TMEM233: variants seen among roughly 807,000 people sequenced by gnomAD.
The protein encoded by TMEM233 is transmembrane protein 233.
In TMEM233, 6 loss-of-function variants were observed where a neutral mutation model predicts 11.2. The ratio of observed to expected loss-of-function variants is 0.54; its 90% CI spans 0.29 to 1.06. The LOEUF (loss-of-function observed/expected upper bound fraction) is 1.06. Among genes scored for constraint, TMEM233 ranks in the 50% least tolerant of loss-of-function variants. The pLI is 0.08. For synonymous variants in TMEM233, 59 were observed against 55.8 expected (o/e 1.06, Z -0.26); for missense variants, 127 against 144.7 (o/e 0.88, Z 0.63).
chr12:119,639,474 T>C (rs970722189), intron 2 of TMEM233, among the ~76,000 whole-genome samples: 1 of 150,360 alleles, frequency 6.7e-6, no homozygotes, highest in Non-Finnish European at 1.5e-5. Context: ...AAAAAAAAAT[T>C]AGCTGGGCAT....
At chr12:119,622,606 T>G (rs569861249) in intron 1 of TMEM233, among the ~76,000 whole-genome samples, 23 of 152,262 alleles carry the variant, frequency 1.5e-4, no homozygotes, top group Non-Finnish European at 3.1e-4. Flanking sequence ...TACAGTGACA[T>G]GTTGGGGAAG....
At chr12:119,647,851 A>G (rs2136822347), downstream of TMEM233, among the ~76,000 whole-genome samples, 1 of 124,452 alleles carries the variant, frequency 8.0e-6, no homozygotes, top group African/African-American at 3.2e-5. Context: ...TTCAACTCCC[A>G]CTTATGAGTG....
chr12:119,597,332 C>T (rs1396385294), intron 1 of TMEM233, among the ~76,000 whole-genome samples: 2 of 152,144 alleles, frequency 1.3e-5, no homozygotes, highest in Non-Finnish European at 2.9e-5. Context: ...TAGGGGCTGT[C>T]CCCCAGTGAA....
chr12:119,631,351 C>G, intron 2 of TMEM233: 1 of 269,118 alleles, frequency 3.7e-6, no homozygotes, highest in Non-Finnish European at 5.7e-6. Flanking sequence ...CCTTGGCAAC[C>G]AAGACAGTAG....
intron 1 of TMEM233, among the ~76,000 whole-genome samples, chr12:119,599,465 G>A (rs540356517): frequency 6.6e-6 from 1 of 152,086 alleles, no homozygotes; most frequent in Non-Finnish European, 1.5e-5. Context: ...AATTTAAAAG[G>A]ATATAAACAC....
intron 1 of TMEM233, among the ~76,000 whole-genome samples, chr12:119,627,446 G>A (rs981664782): frequency 4.6e-5 from 7 of 152,350 alleles, no homozygotes; most frequent in South Asian, 2.1e-4. Flanking sequence ...CAAACATGGC[G>A]CCAGTATCTT....
In TMEM233 at chr12:119,595,392, C is replaced by T. The variant is rs1406663632; in HGVS notation, c.186+1358C>T. On this transcript the variant is annotated intron_variant, in intron 1 of 2. Coordinates refer to ENST00000426426, the MANE Select transcript of TMEM233 (RefSeq NM_001136534.3). The surrounding 1 kb of genome is among the most constrained non-coding windows in gnomAD (Gnocchi z 4.3). Reference sequence around the variant, plus strand: ...GCCCACACTTGCCCACGGGTGGTGGCACCATATTCGATTCGTGGGCACCTG... The same window carrying T: ...GCCCACACTTGCCCACGGGTGGTGGTACCATATTCGATTCGTGGGCACCTG... Among the ~76,000 whole-genome samples, 1 of 152,252 alleles carries T rather than the reference C, an allele frequency of 6.6e-6. No individual in the cohort carries two copies. Among genetic ancestry groups the T allele is most frequent in the Non-Finnish European group, 1.5e-5 (1 of 68,044 alleles).
At chr12:119,623,827 T>C (rs368464097) in intron 1 of TMEM233, among the ~76,000 whole-genome samples, 21 of 152,314 alleles carry the variant, frequency 1.4e-4, no homozygotes, top group African/African-American at 4.8e-4. Context: ...GCTATTACTA[T>C]TGCCCCCGAT....
chr12:119,645,642 A>G (rs546121380), downstream of TMEM233, among the ~76,000 whole-genome samples: 1 of 152,314 alleles, frequency 6.6e-6, no homozygotes, highest in South Asian at 2.1e-4. Flanking sequence ...GCCTCTGTGC[A>G]TTGCCTGCAT....
At chr12:119,612,174 T>C (rs1473436878) in intron 1 of TMEM233, among the ~76,000 whole-genome samples, 1 of 152,088 alleles carries the variant, frequency 6.6e-6, no homozygotes. Context: ...TTTGCATTTT[T>C]AGTAGAGATG....
chr12:119,653,425 CAT>C, the TMEM233 span, among the ~76,000 whole-genome samples: 1 of 137,204 alleles, frequency 7.3e-6, no homozygotes. Context: ...AATCACTAAA[CAT>C]GTGAAGGAGC....
chr12:119,644,875 G>A (rs1410059435), downstream of TMEM233, among the ~76,000 whole-genome samples: 1 of 152,176 alleles, frequency 6.6e-6, no homozygotes, highest in Admixed American at 6.5e-5. Context: ...CACAGAAACT[G>A]GGCTGGTGGA....
intron 2 of TMEM233, 35 bp from the exon 3 acceptor site, chr12:119,640,664 G>A: frequency 1.3e-6 from 2 of 1,548,876 alleles, no homozygotes; most frequent in East Asian, 2.4e-5. Context: ...TCAGCCCACG[G>A]TCTTTCTCTC....
chr12:119,604,587 T>C (rs751889639), intron 1 of TMEM233, among the ~76,000 whole-genome samples: 2 of 152,142 alleles, frequency 1.3e-5, no homozygotes, highest in African/African-American at 2.4e-5. Context: ...CTCTCCCCCT[T>C]TCTTCCAACT....
chr12:119,594,641 G>A lies in TMEM233; in HGVS notation c.186+607G>A, dbSNP rs141876846. On this transcript the variant is annotated intron_variant, in intron 1 of 2. Coordinates refer to ENST00000426426, the MANE Select transcript of TMEM233 (RefSeq NM_001136534.3). The surrounding 1 kb of genome is among the most constrained non-coding windows in gnomAD (Gnocchi z 5.6). ...CTCCTTGATCCCGTTTCCGCGCTTTGGCACGGCACGCTCTGTCCAGGCAAC... is the reference window on the plus strand; with the variant it reads ...CTCCTTGATCCCGTTTCCGCGCTTTAGCACGGCACGCTCTGTCCAGGCAAC... 8.5e-5 allele frequency: 13 copies of A among 153,012 alleles called. No individual in the cohort carries two copies. The highest frequency in any genetic ancestry group is 1.7e-4 in the Non-Finnish European group (12 of 68,606). 9.5% of individuals were successfully genotyped at this position (153,012 alleles called of 1,614,324 possible). A position where few individuals can be genotyped will look rare whatever the true frequency, so the allele number is the denominator to read the frequency against.
chr12:119,609,759 C>G (rs1005609443), intron 1 of TMEM233, among the ~76,000 whole-genome samples: 5 of 152,208 alleles, frequency 3.3e-5, no homozygotes, highest in African/African-American at 1.2e-4. Context: ...GAACCTCTGC[C>G]TAGATTTCAG....
intron 1 of TMEM233, among the ~76,000 whole-genome samples, chr12:119,618,818 G>A (rs1954588274): frequency 6.6e-6 from 1 of 152,148 alleles, no homozygotes; most frequent in African/African-American, 2.4e-5. Context: ...ATGAGAACTT[G>A]GACTTGGACT....
chr12:119,627,925 C>T (rs1954797036), intron 1 of TMEM233, among the ~76,000 whole-genome samples: 1 of 152,198 alleles, frequency 6.6e-6, no homozygotes, highest in Admixed American at 6.5e-5. Flanking sequence ...CACCCCTTTT[C>T]AGGGCCACGA....
rs958240771 is a variant in TMEM233, at chr12:119,594,957, C to T, written c.186+923C>T. Among the ~76,000 whole-genome samples, 12 of 152,294 alleles carry T rather than the reference C, an allele frequency of 7.9e-5. No homozygotes were observed. Among genetic ancestry groups the T allele is most frequent in the East Asian group, 3.9e-4 (2 of 5,150 alleles). On this transcript the variant is annotated intron_variant, in intron 1 of 2. Coordinates refer to ENST00000426426, the MANE Select transcript of TMEM233 (RefSeq NM_001136534.3). The surrounding 1 kb of genome is among the most constrained non-coding windows in gnomAD (Gnocchi z 5.6). ...CTCTGTCCTGCGCCCGGGGCTCTCCCGGGAATGAACTAGGGGATTCCACGC... is the reference window on the plus strand; with the variant it reads ...CTCTGTCCTGCGCCCGGGGCTCTCCTGGGAATGAACTAGGGGATTCCACGC...
Sources: gnomAD v4.1 joint callset for allele counts (sites outside exome capture counted in the v4.1 genomes callset) on GRCh38, gnomAD v4.1.1 for gene constraint, Gnocchi (gnomAD v3.1) non-coding constraint, MANE v1.5 for transcripts, NCBI Gene and HGNC (gene_info 2026-07-23, HGNC 2026-07-21) for gene names.